Variants in ENDOG observed in about 807,000 individuals in gnomAD.
ENDOG encodes endonuclease G.
ENDOG carries 22 observed loss-of-function variants against 22.6 expected under a neutral mutation model. The observed-to-expected ratio is 0.97, with a 90% CI of 0.70 to 1.39. The LOEUF (loss-of-function observed/expected upper bound fraction) is 1.39. Ranked by LOEUF, ENDOG falls within the 40% of genes most tolerant of loss-of-function variation. The pLI, the probability that ENDOG is intolerant of heterozygous loss-of-function variation, is 0.00. For missense variants in ENDOG, 403 were observed against 431.3 expected, an observed-to-expected ratio of 0.93 and a Z score of 0.58; for synonymous variants, 173 against 200.2, an observed-to-expected ratio of 0.86 and a Z score of 1.15.
At position 128,818,535 on chromosome 9, in the gene ENDOG, C is replaced by A; in HGVS notation, c.-150C>A. 1.1e-6 allele frequency: 1 copy of A among 921,720 alleles called. No individual in the cohort carries two copies. The highest frequency in any genetic ancestry group is 1.3e-6 in the Non-Finnish European group (1 of 753,432). 57.1% of individuals were successfully genotyped at this position (921,720 alleles called of 1,614,324 possible). A position where few individuals can be genotyped will look rare whatever the true frequency, so the allele number is the denominator to read the frequency against. ...GGGCTCTGCTGCTCCCTTCTGGGTT[C>A]CGAGGCCCAAGCCCTTGGCAGTGTT... is the stretch of plus-strand genomic sequence containing the variant. On this transcript the variant is annotated 5_prime_UTR_variant, in exon 1 of 3. Coordinates refer to ENST00000372642, the MANE Select transcript of ENDOG (RefSeq NM_004435.2).
chr9:128,822,598 G>A lies in ENDOG; in HGVS notation c.882G>A (p.Ala294=), dbSNP rs748622934. The change falls in exon 3 of 3, where the codon GCG becomes GCA. Residue 294 remains alanine (A), a synonymous_variant. Transcript: ENST00000372642. ...ARAGSLKAIT[A]GSK ...CAGGCAGCCTCAAGGCCATCACGGC[G>A]GGCAGTAAGTGAGGGTGGAGCCCAG... The A allele has an allele frequency of 1.5e-5, 24 of 1,569,214 alleles. No individual in the cohort carries two copies. Among genetic ancestry groups the A allele is most frequent in the East Asian group, 1.4e-4 (6 of 43,100 alleles).
At position 128,818,939 on chromosome 9, in the gene ENDOG, C is replaced by G. The variant is rs1322470710; in HGVS notation, c.255C>G (p.Tyr85Ter). The stretch of plus-strand genomic sequence containing the variant: ...GCCGCGAGTCGTACGTGCTGTGCTA[C>G]GACCCGCGCACCCGCGGCGCGCTCT... ...LKSRESYVLC[Y>*]DPRTRGALWV... Residue 85 changes from tyrosine to a stop codon, truncating the protein, a stop_gained, in exon 1 of 3, where the codon TAC becomes TAG. Transcript: ENST00000372642. LOFTEE classifies it high-confidence loss of function. The G allele has an allele frequency of 6.7e-6, 10 of 1,492,912 alleles. No homozygotes were observed. The highest frequency in any genetic ancestry group is 8.9e-6 in the Non-Finnish European group (10 of 1,129,486). The allele number at this position is 1,492,912 out of a possible 1,614,324, so 92.5% of individuals were successfully genotyped here.
At chr9:128,819,514 G>A (rs1830063180) in intron 1 of ENDOG, 1 of 319,812 alleles carries the variant, frequency 3.1e-6, no homozygotes, top group South Asian at 5.3e-5. Context: ...GACGGGCACA[G>A]TGTCACACAG....
Position 128,818,680 on chromosome 9 carries a change from C to G in ENDOG, c.-5C>G. On this transcript the variant is annotated 5_prime_UTR_variant, in exon 1 of 3. Coordinates refer to ENST00000372642, the MANE Select transcript of ENDOG (RefSeq NM_004435.2). ...GGTCGCCCGCCGCTAGGTCGCTCCC[C>G]GGCCATGCGGGCGCTGCGGGCCGGC... 2 of 1,165,320 alleles carry G rather than the reference C, an allele frequency of 1.7e-6. No individual in the cohort carries two copies. Among genetic ancestry groups the G allele is most frequent in the Non-Finnish European group, 2.1e-6 (2 of 945,312 alleles). The allele number at this position is 1,165,320 out of a possible 1,614,324, so 72.2% of individuals were successfully genotyped here. A position where few individuals can be genotyped will look rare whatever the true frequency, so the allele number is the denominator to read the frequency against.
rs1589586316 is a variant in ENDOG at position 128,818,677 on chromosome 9, C to G, written c.-8C>G. ...GCGGGTCGCCCGCCGCTAGGTCGCT[C>G]CCCGGCCATGCGGGCGCTGCGGGCC... is the stretch of plus-strand genomic sequence containing the variant. On this transcript the variant is annotated 5_prime_UTR_variant, in exon 1 of 3. Transcript: ENST00000372642. 8.6e-7 allele frequency: 1 copy of G among 1,165,760 alleles called. No homozygotes were observed. Among genetic ancestry groups the G allele is most frequent in the African/African-American group, 1.6e-5 (1 of 61,674 alleles). The allele number at this position is 1,165,760 out of a possible 1,614,324, so 72.2% of individuals were successfully genotyped here. A position where few individuals can be genotyped will look rare whatever the true frequency, so the allele number is the denominator to read the frequency against.
rs911211948 is a variant in ENDOG, at chr9:128,818,585, A to G, written c.-100A>G. The stretch of plus-strand genomic sequence containing the variant: ...TTGTGAGTGGAAGGGAGGTCACGCT[A>G]TCGTCCGCGGCCCCAGCAGCCCTGT... On this transcript the variant is annotated 5_prime_UTR_variant, in exon 1 of 3. Transcript: ENST00000372642. The G allele has an allele frequency of 2.9e-6, 3 of 1,042,492 alleles. No individual in the cohort carries two copies. Among genetic ancestry groups the G allele is most frequent in the Non-Finnish European group, 3.5e-6 (3 of 866,190 alleles). The allele number at this position is 1,042,492 out of a possible 1,614,324, so 64.6% of individuals were successfully genotyped here. A position where few individuals can be genotyped will look rare whatever the true frequency, so the allele number is the denominator to read the frequency against.
At chr9:128,820,393 G>C in intron 1 of ENDOG, 2 of 238,584 alleles carry the variant, frequency 8.4e-6, no homozygotes, top group Middle Eastern at 1.4e-3. Flanking sequence ...GAAAAGGAAC[G>C]GGTTGGTAGT....
intron 1 of ENDOG, chr9:128,819,551 C>T (rs1194954582): frequency 4.3e-6 from 1 of 234,814 alleles, no homozygotes; most frequent in African/African-American, 2.3e-5. Context: ...GTTGTAGAAC[C>T]GCAGCGCCCA....
In ENDOG at chr9:128,819,068, CA is replaced by C; in HGVS notation, c.386del (p.Asn129ThrfsTer33). Reference sequence around the variant, plus strand: ...CGGTGCACGCGTACCACCGTGCCACCAACGCCGACTACCGCGGCAGTGGCTT... The same window carrying C: ...CGGTGCACGCGTACCACCGTGCCACCACGCCGACTACCGCGGCAGTGGCTT... ...DSVHAYHRAT[N>X]ADYRGSGFDR... On this transcript the variant is annotated frameshift_variant, in exon 1 of 3. Coordinates refer to ENST00000372642, the MANE Select transcript of ENDOG (RefSeq NM_004435.2). LOFTEE classifies it high-confidence loss of function. 6.6e-7 allele frequency: 1 copy of C among 1,519,316 alleles called. No individual in the cohort carries two copies. The highest frequency in any genetic ancestry group is 1.2e-5 in the South Asian group (1 of 82,092). The allele number at this position is 1,519,316 out of a possible 1,614,324, so 94.1% of individuals were successfully genotyped here.
chr9:128,821,063 C>T, intron 2 of ENDOG: 2 of 576,554 alleles, frequency 3.5e-6, no homozygotes, highest in East Asian at 2.9e-5. Context: ...TCTCCTCTGC[C>T]CATGGGCAGC....
Position 128,820,722 on chromosome 9 carries a change from C to T in ENDOG, c.502-17C>T. 1 of 1,596,426 alleles carries T rather than the reference C, an allele frequency of 6.3e-7. No individual in the cohort carries two copies. Among genetic ancestry groups the T allele is most frequent in the Non-Finnish European group, 8.5e-7 (1 of 1,169,742 alleles). ...GGTCCCAGCCACAGTCCTGCTAAGC[C>T]CTATCTCTCCTACCAGGTGCCCCAC... On this transcript the variant is annotated splice_polypyrimidine_tract_variant and intron_variant, in intron 1 of 2. Coordinates refer to ENST00000372642, the MANE Select transcript of ENDOG (RefSeq NM_004435.2).
At chr9:128,822,145 T>C in intron 2 of ENDOG, 183 bp from the exon 3 acceptor site, 1 of 689,646 alleles carries the variant, frequency 1.5e-6, no homozygotes, top group Non-Finnish European at 2.4e-6. Context: ...GGGAAAGAGT[T>C]AACCACCCTG....
chr9:128,822,559 C>T lies in ENDOG; in HGVS notation c.843C>T (p.Asn281=), dbSNP rs1830143415. Reference sequence around the variant, plus strand: ...CTTCGGGGCTGCTCTTTGTGCCAAACATCCTGGCGCGGGCAGGCAGCCTCA... The same window carrying T: ...CTTCGGGGCTGCTCTTTGTGCCAAATATCCTGGCGCGGGCAGGCAGCCTCA... The part of the protein sequence containing the change: ...ERASGLLFVP[N]ILARAGSLKA... Residue 281 remains asparagine (N), a synonymous_variant, in exon 3 of 3, where the codon AAC becomes AAT. Coordinates refer to ENST00000372642, the MANE Select transcript of ENDOG (RefSeq NM_004435.2). The T allele has an allele frequency of 1.3e-6, 2 of 1,563,962 alleles. No homozygotes were observed. Among genetic ancestry groups the T allele is most frequent in the Non-Finnish European group, 1.7e-6 (2 of 1,153,842 alleles).
At chr9:128,819,246 C>G (rs1589587182) in intron 1 of ENDOG, 61 bp downstream of exon 1, 2 of 1,403,922 alleles carry the variant, frequency 1.4e-6, no homozygotes, top group South Asian at 1.5e-5. Flanking sequence ...CTCGCGGGGC[C>G]TCGGTTTGTT....
intron 2 of ENDOG, 182 bp from the exon 3 acceptor site, chr9:128,822,146 A>G: frequency 1.4e-6 from 1 of 690,974 alleles, no homozygotes; most frequent in Non-Finnish European, 2.4e-6. Context: ...GGAAAGAGTT[A>G]ACCACCCTGG....
chr9:128,819,071 C>T lies in ENDOG; in HGVS notation c.387C>T (p.Asn129=). 1.3e-6 allele frequency: 2 copies of T among 1,516,808 alleles called. No homozygotes were observed. The highest frequency in any genetic ancestry group is 1.2e-5 in the South Asian group (1 of 81,916). 94.0% of individuals were successfully genotyped at this position (1,516,808 alleles called of 1,614,324 possible). The change falls in exon 1 of 3, where the codon AAC becomes AAT. Residue 129 remains asparagine (N), a synonymous_variant. Transcript: ENST00000372642. ...DSVHAYHRAT[N]ADYRGSGFDR... ...TGCACGCGTACCACCGTGCCACCAA[C>T]GCCGACTACCGCGGCAGTGGCTTCG...
At chr9:128,821,579 G>A (rs2132582303) in intron 2 of ENDOG, 1 of 154,512 alleles carries the variant, frequency 6.5e-6, no homozygotes, top group South Asian at 2.0e-4. Context: ...CCTCTCAGGT[G>A]GAAGCAACTG....
chr9:128,821,036 G>C (rs1033582393), intron 2 of ENDOG, 188 bp downstream of exon 2: 47 of 604,264 alleles, frequency 7.8e-5, no homozygotes, highest in Middle Eastern at 4.5e-4. Context: ...AAGACCTGTC[G>C]GGTACCCCTG....
rs1035934665 is a variant in ENDOG at position 128,819,075 on chromosome 9, G to T, written c.391G>T (p.Asp131Tyr). 1 of 1,516,850 alleles carries T rather than the reference G, an allele frequency of 6.6e-7. No individual in the cohort carries two copies. The allele number at this position is 1,516,850 out of a possible 1,614,324, so 94.0% of individuals were successfully genotyped here. ...VHAYHRATNA[D>Y]YRGSGFDRGH... is the part of the protein sequence containing the mutation. ...CGCGTACCACCGTGCCACCAACGCC[G>T]ACTACCGCGGCAGTGGCTTCGACCG... Residue 131 changes from aspartate to tyrosine, a missense_variant, in exon 1 of 3, where the codon GAC becomes TAC. By Grantham distance (160) the Asp-to-Tyr change is radical. Coordinates refer to ENST00000372642, the MANE Select transcript of ENDOG (RefSeq NM_004435.2).
Sources: allele counts gnomAD v4.1 joint callset, GRCh38; gene constraint gnomAD v4.1.1; transcripts MANE v1.5; gene names NCBI Gene and HGNC (gene_info 2026-07-23, HGNC 2026-07-21).